The following TIAM2 variants were observed in gnomAD, a reference collection of about 807,000 sequenced individuals.
The protein encoded by TIAM2 is rho guanine nucleotide exchange factor TIAM2.
TIAM2 carries 80 observed loss-of-function variants against 152.9 expected under a neutral mutation model. The observed-to-expected ratio is 0.52, with a 90% CI of 0.44 to 0.63. The LOEUF (loss-of-function observed/expected upper bound fraction) is 0.63, where lower values mean the gene tolerates loss of function less well. Among genes scored for constraint, TIAM2 ranks in the 30% least tolerant of loss-of-function variants. The pLI is 0.00. For missense variants in TIAM2, 1,965 were observed against 2,120.1 expected (o/e 0.93, Z 1.44); for synonymous variants, 804 against 838.0 (o/e 0.96, Z 0.70).
intron 2 of TIAM2, among the ~76,000 whole-genome samples, chr6:155,111,274 G>C (rs9480055): frequency 0.31 from 46,455 of 150,862 alleles, 7,742 homozygotes; most frequent in Admixed American, 0.41. Context: ...GCGCTTCATG[G>C]AAAGTGTCCA....
chr6:155,250,002 T>A (rs1236418207), intron 21 of TIAM2, 33 bp downstream of exon 21: 3 of 1,557,102 alleles, frequency 1.9e-6, no homozygotes, highest in Non-Finnish European at 2.6e-6. Flanking sequence ...GGGAGCCTAG[T>A]GCATGTGGTG....
Position 155,249,851 on chromosome 6 carries a change from A to T in TIAM2, c.3833A>T (p.Glu1278Val). The change falls in exon 21 of 27, where the codon GAA (glutamate) becomes GTA (valine). Residue 1278 changes from glutamate to valine, a missense_variant and splice_region_variant. Transcript: ENST00000682666. ...ATAAATATGATTTCATATCTTGCAG[A>T]AGCACTAAAGGCAATGGAGAAAGTA... ...QESEEHYHLT[E>V]ALKAMEKVAS... The T allele has an allele frequency of 6.2e-7, 1 of 1,608,640 alleles. No homozygotes were observed. The highest frequency in any genetic ancestry group is 8.5e-7 in the Non-Finnish European group (1 of 1,176,950).
rs1784159843 is a variant in TIAM2, at chr6:155,257,705, A to G, written c.*584A>G. On this transcript the variant is annotated 3_prime_UTR_variant, in exon 27 of 27. Coordinates refer to ENST00000682666, the MANE Select transcript of TIAM2 (RefSeq NM_012454.4). ...TATTTTCTCTGCCAAGCTGTATAGTAAAAGGAAAATAAGTCACATCTGGTC... is the reference window on the plus strand; with the variant it reads ...TATTTTCTCTGCCAAGCTGTATAGTGAAAGGAAAATAAGTCACATCTGGTC... 1 of 1,112,458 alleles carries G rather than the reference A, an allele frequency of 9.0e-7. No homozygotes were observed. 68.9% of individuals were successfully genotyped at this position (1,112,458 alleles called of 1,614,324 possible).
At chr6:155,165,919 T>TGCA (rs1351828946) in intron 9 of TIAM2, among the ~76,000 whole-genome samples, 1 of 152,162 alleles carries the variant, frequency 6.6e-6, no homozygotes, top group Non-Finnish European at 1.5e-5. Flanking sequence ...TCACACTGCG[T>TGCA]GCAGTGCTTA....
At position 155,043,348 on chromosome 6, in the gene TIAM2, G is replaced by A. The variant is rs538094244; in HGVS notation, c.-208-46941G>A. Among the ~76,000 whole-genome samples, 30 of 152,206 alleles carry A rather than the reference G, an allele frequency of 2.0e-4. No homozygotes were observed. The South Asian group carries it at 4.6e-3, about 23-fold the overall frequency. ...GGCCAGTTAATCAATCTCTAGAGGG[G>A]CCAGGTGCAGTGGCTCATGTCTGTA... On this transcript the variant is annotated intron_variant, in intron 1 of 26. Transcript: ENST00000682666.
chr6:155,029,137 A>G (rs1448491013), intron 1 of TIAM2, among the ~76,000 whole-genome samples: 1 of 121,102 alleles, frequency 8.3e-6, no homozygotes, highest in African/African-American at 3.0e-5. Context: ...ACTATGTGTT[A>G]TATACACTAT....
intron 5 of TIAM2, among the ~76,000 whole-genome samples, chr6:155,142,677 G>A (rs777136508): frequency 2.0e-5 from 3 of 152,208 alleles, no homozygotes; most frequent in Non-Finnish European, 4.4e-5. Context: ...ATACTGGCCA[G>A]GCCTGCAAGA....
In TIAM2 at chr6:155,250,895, C is replaced by T; in HGVS notation, c.3952-18C>T. On this transcript the variant is annotated intron_variant, in intron 21 of 26. Coordinates refer to ENST00000682666, the MANE Select transcript of TIAM2 (RefSeq NM_012454.4). Reference sequence around the variant, plus strand: ...TGGGATTTCCGTATCTTCCTTACCTCCTGTTTTTACAATCTAGGTAACAGA... The same window carrying T: ...TGGGATTTCCGTATCTTCCTTACCTTCTGTTTTTACAATCTAGGTAACAGA... 1 of 1,610,956 alleles carries T rather than the reference C, an allele frequency of 6.2e-7. No homozygotes were observed. The highest frequency in any genetic ancestry group is 8.5e-7 in the Non-Finnish European group (1 of 1,177,106).
chr6:155,209,155 C>T (rs1353743357), intron 14 of TIAM2, among the ~76,000 whole-genome samples: 1 of 151,826 alleles, frequency 6.6e-6, no homozygotes, highest in Non-Finnish European at 1.5e-5. Context: ...CATCTGTGAC[C>T]CTTGGTTGCA....
At chr6:155,239,477 G>A (rs1782925930) in intron 15 of TIAM2, among the ~76,000 whole-genome samples, 1 of 152,204 alleles carries the variant, frequency 6.6e-6, no homozygotes, top group South Asian at 2.1e-4. Flanking sequence ...GAAAGAATGA[G>A]AAGTAAAAGG....
chr6:155,232,930 C>T (rs1011403853), intron 15 of TIAM2: 1 of 152,162 alleles, frequency 6.6e-6, no homozygotes, highest in African/African-American at 2.4e-5. Context: ...GCCACATTAC[C>T]CCAAATTACG....
chr6:155,129,830 A>C lies in TIAM2; in HGVS notation c.607A>C (p.Thr203Pro). Residue 203 changes from threonine (T) to proline (P), a missense_variant, in exon 4 of 27, where the codon ACC (threonine) becomes CCC (proline). Thr to Pro is a conservative substitution (Grantham distance 38, BLOSUM62 -1). Around this residue, in one of 3 missense-constraint regions of TIAM2, gnomAD observed 1,025 missense variants for 1,119.4 expected, o/e 0.92. Transcript: ENST00000682666. The surrounding 1 kb of genome is among the most constrained non-coding windows in gnomAD (Gnocchi z 4.8). ...GGTGCAGCTGCTGAGGTACTCACCT[A>C]CCTTAGCATCGGAAACCTCCCCTGT... ...EPVQLLRYSP[T>P]LASETSPVPE... 6.2e-7 allele frequency: 1 copy of C among 1,613,574 alleles called. No individual in the cohort carries two copies. The highest frequency in any genetic ancestry group is 2.2e-5 in the East Asian group (1 of 44,884).
chr6:155,055,972 A>AAAC (rs983667003), intron 1 of TIAM2, among the ~76,000 whole-genome samples: 3 of 152,104 alleles, frequency 2.0e-5, no homozygotes, highest in African/African-American at 4.8e-5. Context: ...TCAAAAAACA[A>AAAC]AACAACAACA....
intron 19 of TIAM2, among the ~76,000 whole-genome samples, chr6:155,246,891 A>G (rs181785764): frequency 1.3e-5 from 2 of 152,240 alleles, no homozygotes; most frequent in South Asian, 4.1e-4. Flanking sequence ...ATCTTCCTTC[A>G]GAGTAGCTGC....
intron 1 of TIAM2, among the ~76,000 whole-genome samples, chr6:155,049,899 A>C (rs1777281618): frequency 6.6e-6 from 1 of 152,180 alleles, no homozygotes; most frequent in African/African-American, 2.4e-5. Context: ...TTTGAGTTGG[A>C]TAAAAGCTGA....
At chr6:155,043,271 CAT>C (rs1777087972) in intron 1 of TIAM2, among the ~76,000 whole-genome samples, 1 of 152,132 alleles carries the variant, frequency 6.6e-6, no homozygotes. Context: ...ACTGGCTACA[CAT>C]GAGAATCGTC....
In TIAM2 at chr6:155,170,106, T is replaced by C. The variant is rs546621877; in HGVS notation, c.2361+4697T>C. 2.0e-3 allele frequency among the ~76,000 whole-genome samples: 297 copies of C among 151,456 alleles called. 1 individual carries two copies. Among genetic ancestry groups the C allele is most frequent in the African/African-American group, 6.9e-3 (284 of 41,332 alleles). On this transcript the variant is annotated intron_variant, in intron 9 of 26. Transcript: ENST00000682666. ...TGCCGAGATTACAGGCGTGAGCCAC[T>C]GCACCCAGCCAGTTCTTACTCTGCA...
chr6:155,027,097 G>A (rs1353971119), intron 1 of TIAM2, among the ~76,000 whole-genome samples: 2 of 151,794 alleles, frequency 1.3e-5, no homozygotes, highest in Non-Finnish European at 2.9e-5. Flanking sequence ...GTGCAGTGGA[G>A]TGATCTTGGC....
At position 155,108,391 on chromosome 6, in the gene TIAM2, A is replaced by C. The variant is rs907208312; in HGVS notation, c.-118+18012A>C. Among the ~76,000 whole-genome samples, 7 of 152,330 alleles carry C rather than the reference A, an allele frequency of 4.6e-5. No homozygotes were observed. In the South Asian group the frequency reaches 1.5e-3, roughly 32 times the overall value. On this transcript the variant is annotated intron_variant, in intron 2 of 26. Transcript: ENST00000682666. ...AAAATGCGGCTCTGACAGAGCCAGC[A>C]AGCACTGAGAGCAGGAACAGTGCAC...
Sources: gnomAD v4.1 joint callset for allele counts (sites outside exome capture counted in the v4.1 genomes callset) on GRCh38, gnomAD v4.1.1 for gene constraint, gnomAD v4.1.1 regional missense constraint, Gnocchi (gnomAD v3.1) non-coding constraint, MANE v1.5 for transcripts, NCBI Gene and HGNC (gene_info 2026-07-23, HGNC 2026-07-21) for gene names.